Variants in SLC48A1 observed in about 807,000 individuals in gnomAD.
SLC48A1 encodes the protein solute carrier family 48 member 1.
A neutral mutation model predicts 14.8 loss-of-function variants in SLC48A1; 6 were observed. The ratio of observed to expected loss-of-function variants is 0.41; its 90% CI spans 0.22 to 0.80. The LOEUF (loss-of-function observed/expected upper bound fraction) is 0.80, where lower values mean the gene tolerates loss of function less well. Among genes scored for constraint, SLC48A1 ranks in the 30% least tolerant of loss-of-function variants. SLC48A1 has a pLI of 0.34. For missense variants in SLC48A1, 165 were observed against 204.8 expected (o/e 0.81, Z 1.19); for synonymous variants, 89 against 90.0 (o/e 0.99, Z 0.06).
At chr12:47,765,194 A>G (rs28705928) in intron 2 of SLC48A1, among the ~76,000 whole-genome samples, 2 of 150,938 alleles carry the variant, frequency 1.3e-5, no homozygotes, top group Admixed American at 1.3e-4. Flanking sequence ...GAAAAGTGGG[A>G]TCCAGAGAGA....
chr12:47,757,875 C>T (rs773301087), upstream of SLC48A1: 36 of 1,554,638 alleles, frequency 2.3e-5, no homozygotes, highest in Admixed American at 6.8e-4. Context: ...CCCAGCGCAG[C>T]CCCTGGATGC....
chr12:47,757,403 T>C (rs1646718294), upstream of SLC48A1, among the ~76,000 whole-genome samples: 1 of 152,036 alleles, frequency 6.6e-6, no homozygotes, highest in African/African-American at 2.4e-5. Context: ...GTCCACATGA[T>C]CACCTCACCC....
upstream of SLC48A1, among the ~76,000 whole-genome samples, chr12:47,754,911 C>G (rs896990137): frequency 6.6e-6 from 1 of 152,226 alleles, no homozygotes; most frequent in Non-Finnish European, 1.5e-5. Context: ...AGCACTGTGG[C>G]CTGCCCCACC....
At chr12:47,760,461 G>A (rs1245505477) in intron 2 of SLC48A1, 4 of 963,020 alleles carry the variant, frequency 4.2e-6, no homozygotes, top group East Asian at 1.1e-4. Context: ...TGGGGCCAGT[G>A]CCCTGGCCTA....
chr12:47,759,336 ATAGGCGGCTT>A (rs1942293457), intron 1 of SLC48A1, among the ~76,000 whole-genome samples: 1 of 152,164 alleles, frequency 6.6e-6, no homozygotes, highest in Non-Finnish European at 1.5e-5. Flanking sequence ...GGGGGAGGGA[ATAGGCGGCTT>A]TCCCGCGGGG....
rs969799031 is a variant in SLC48A1 at position 47,777,068 on chromosome 12, C to G, written c.137-1960C>G. Among the ~76,000 whole-genome samples the G allele has an allele frequency of 5.9e-5, 9 of 152,130 alleles. No homozygotes were observed. The highest frequency in any genetic ancestry group is 2.2e-4 in the African/African-American group (9 of 41,404). On this transcript the variant is annotated intron_variant, in intron 1 of 2. Transcript: ENST00000442218. The surrounding 1 kb of genome is among the most constrained non-coding windows in gnomAD (Gnocchi z 4.5). ...GTGACAACACCCCTTGTTCCCAGGG[C>G]CCTTTATAAACCAAACAGCTCCCTC... is the stretch of plus-strand genomic sequence containing the variant.
chr12:47,760,336 G>C, exon 2 of SLC48A1: 3 of 985,462 alleles, frequency 3.0e-6, no homozygotes, highest in Non-Finnish European at 3.6e-6. Flanking sequence ...CGGAGTTCTG[G>C]TAATTTGGAA....
At chr12:47,762,654 G>A (rs571192241) in intron 2 of SLC48A1, among the ~76,000 whole-genome samples, 11 of 152,270 alleles carry the variant, frequency 7.2e-5, no homozygotes, top group East Asian at 1.9e-4. Flanking sequence ...TCCTATTTGC[G>A]AGTGAGGAAA....
upstream of SLC48A1, chr12:47,771,605 GAGTT>G (rs1942631166): frequency 6.6e-6 from 1 of 152,356 alleles, no homozygotes; most frequent in Non-Finnish European, 1.5e-5. Flanking sequence ...GAGGAAGAGG[GAGTT>G]AAGGCATGTG....
rs566928382 is a variant in SLC48A1 at position 47,779,185 on chromosome 12, C to T, written c.294C>T (p.Thr98=). The T allele has an allele frequency of 2.4e-4, 368 of 1,551,444 alleles. No homozygotes were observed. In the African/African-American group the frequency reaches 4.7e-3, roughly 20 times the overall value. Residue 98 remains threonine (T), a synonymous_variant, in exon 2 of 3, where the codon ACC becomes ACT. Coordinates refer to ENST00000442218, the MANE Select transcript of SLC48A1 (RefSeq NM_017842.3). ...AFCTFLVLAI[T]RHQSLTDPTS... ...GCACCTTCCTCGTGCTGGCCATCACCCGGCATCAGAGTGAGGGCGGGTCCC... is the reference window on the plus strand; with the variant it reads ...GCACCTTCCTCGTGCTGGCCATCACTCGGCATCAGAGTGAGGGCGGGTCCC...
chr12:47,779,341 T>G, intron 2 of SLC48A1, 146 bp downstream of exon 2: 1 of 1,238,684 alleles, frequency 8.1e-7, no homozygotes, highest in Non-Finnish European at 1.1e-6. Context: ...TTATGGTTCA[T>G]GTGGAGAAAA....
At chr12:47,758,220 G>A (rs1000532101), upstream of SLC48A1, 18 of 1,437,522 alleles carry the variant, frequency 1.3e-5, no homozygotes, top group South Asian at 1.5e-4. Context: ...CCAGGAGCTG[G>A]GGGGAGGAAC....
intron 2 of SLC48A1, among the ~76,000 whole-genome samples, chr12:47,765,738 A>G (rs984002546): frequency 5.9e-5 from 9 of 152,376 alleles, no homozygotes; most frequent in East Asian, 1.9e-4. Flanking sequence ...TTGCATAAGT[A>G]TTGCATGCTG....
intron 1 of SLC48A1, chr12:47,758,951 G>GA: frequency 9.8e-7 from 1 of 1,017,456 alleles, no homozygotes; most frequent in Non-Finnish European, 1.2e-6. Flanking sequence ...AGGACTGGCG[G>GA]AGGGGGCGGG....
chr12:47,758,388 A>G, upstream of SLC48A1: 1 of 1,518,166 alleles, frequency 6.6e-7, no homozygotes, highest in South Asian at 1.3e-5. Context: ...GTATGAAGCT[A>G]TAGATTCACT....
upstream of SLC48A1, chr12:47,757,931 G>A (rs755629694): frequency 2.1e-5 from 32 of 1,556,814 alleles, no homozygotes; most frequent in Admixed American, 2.7e-4. Flanking sequence ...GAGCAGCTTC[G>A]GGGCCGGTGC....
intron 2 of SLC48A1, 23 bp from the exon 3 acceptor site, chr12:47,780,120 ACT>A (rs1435468115): frequency 2.0e-6 from 3 of 1,528,872 alleles, no homozygotes; most frequent in Non-Finnish European, 8.8e-7. Flanking sequence ...TGCCAAAGTC[ACT>A]GTCGGTACTT....
chr12:47,760,549 T>G, intron 2 of SLC48A1: 1 of 260,196 alleles, frequency 3.8e-6, no homozygotes, highest in Non-Finnish European at 6.0e-6. Flanking sequence ...CTTGCTGCCC[T>G]TACTCTGGGC....
chr12:47,759,708 G>A (rs1942312972), intron 1 of SLC48A1, among the ~76,000 whole-genome samples: 1 of 152,294 alleles, frequency 6.6e-6, no homozygotes, highest in Middle Eastern at 3.4e-3. Context: ...GGGCCTCTTC[G>A]CCCCACTCCT....
Sources: gnomAD v4.1 joint callset for allele counts (sites outside exome capture counted in the v4.1 genomes callset) on GRCh38, gnomAD v4.1.1 for gene constraint, Gnocchi (gnomAD v3.1) non-coding constraint, MANE v1.5 for transcripts, NCBI Gene and HGNC (gene_info 2026-07-23, HGNC 2026-07-21) for gene names.